Variants in ASTN1 observed in about 807,000 individuals in gnomAD.
ASTN1 encodes the protein astrotactin 1, also known as astrotactin-1.
A neutral mutation model predicts 140.7 loss-of-function variants in ASTN1; 41 were observed. The observed-to-expected ratio is 0.29, with a 90% CI of 0.23 to 0.38. The LOEUF is 0.38. Among genes scored for constraint, ASTN1 ranks in the 10% least tolerant of loss-of-function variants. The pLI, the probability that ASTN1 is intolerant of heterozygous loss-of-function variation, is 1.00. For synonymous variants in ASTN1, 640 were observed against 652.2 expected (o/e 0.98, Z 0.29); for missense variants, 1,479 against 1,678.8 (o/e 0.88, Z 2.08).
intron 1 of ASTN1, among the ~76,000 whole-genome samples, chr1:177,069,606 C>G (rs1281225401): frequency 6.6e-6 from 1 of 152,122 alleles, no homozygotes; most frequent in Non-Finnish European, 1.5e-5. Flanking sequence ...CTACTCTGTA[C>G]TGGCATGAAT....
intron 8 of ASTN1, among the ~76,000 whole-genome samples, chr1:176,986,915 G>A (rs1673934955): frequency 6.6e-6 from 1 of 152,142 alleles, no homozygotes; most frequent in Admixed American, 6.5e-5. Context: ...ATCACCTGTT[G>A]CAACTGTCCC....
rs114742229 is a variant in ASTN1, at chr1:177,018,937, C to G, written c.1439-4062G>C. ...TTAACCAGAGGCACACCTGGGGTTA[C>G]AAACCTGGGGACATATGGGAGAGAA... On this transcript the variant is annotated intron_variant, in intron 7 of 22. Transcript: ENST00000361833. 2.7e-3 allele frequency among the ~76,000 whole-genome samples: 417 copies of G among 152,316 alleles called. 3 individuals carry two copies. Among genetic ancestry groups the G allele is most frequent in the African/African-American group, 9.0e-3 (375 of 41,580 alleles).
At chr1:177,081,650 G>A (rs1434325279) in intron 1 of ASTN1, among the ~76,000 whole-genome samples, 1 of 152,148 alleles carries the variant, frequency 6.6e-6, no homozygotes, top group Non-Finnish European at 1.5e-5. Flanking sequence ...TGCAGTGATG[G>A]CAGGGTGCCT....
chr1:176,930,739 G>T (rs924219358), intron 16 of ASTN1, among the ~76,000 whole-genome samples: 1 of 152,138 alleles, frequency 6.6e-6, no homozygotes, highest in African/African-American at 2.4e-5. Context: ...TGTTTTTGTA[G>T]AGTAAAACAG....
intron 5 of ASTN1, among the ~76,000 whole-genome samples, chr1:177,027,156 G>C (rs770957759): frequency 9.9e-5 from 15 of 152,090 alleles, no homozygotes; most frequent in Non-Finnish European, 2.1e-4. Context: ...CACCTTGTCA[G>C]CCTGGTATAC....
Position 176,863,479 on chromosome 1 carries a change from T to A in ASTN1, c.*805A>T. The A allele has an allele frequency of 1.0e-6, 1 of 985,650 alleles. No individual in the cohort carries two copies. The highest frequency in any genetic ancestry group is 1.2e-6 in the Non-Finnish European group (1 of 829,906). The allele number at this position is 985,650 out of a possible 1,614,324, so 61.1% of individuals were successfully genotyped here. The stretch of plus-strand genomic sequence containing the variant: ...AAAAAACAATAAACTCCAAGTCTCC[T>A]CTTGAATGTGGACTGCTAACTAGTC... On this transcript the variant is annotated 3_prime_UTR_variant, in exon 23 of 23. Coordinates refer to ENST00000361833, the MANE Select transcript of ASTN1 (RefSeq NM_004319.3).
chr1:176,973,822 A>G (rs1373138267), intron 8 of ASTN1, among the ~76,000 whole-genome samples: 1 of 152,146 alleles, frequency 6.6e-6, no homozygotes, highest in East Asian at 1.9e-4. Flanking sequence ...ACTCCTGACT[A>G]GAGTGCTGCC....
At chr1:176,908,958 T>C (rs1457867166) in intron 16 of ASTN1, among the ~76,000 whole-genome samples, 1 of 152,230 alleles carries the variant, frequency 6.6e-6, no homozygotes, top group Non-Finnish European at 1.5e-5. Flanking sequence ...CAAGGCTCCA[T>C]TGGCCAGTGA....
chr1:177,027,259 C>G (rs1676164252), intron 5 of ASTN1, among the ~76,000 whole-genome samples: 1 of 152,124 alleles, frequency 6.6e-6, no homozygotes, highest in Non-Finnish European at 1.5e-5. Context: ...CCTTGGTGTT[C>G]TAGCCCTTGG....
intron 7 of ASTN1, among the ~76,000 whole-genome samples, chr1:177,015,712 A>C (rs1411812479): frequency 6.6e-6 from 1 of 152,132 alleles, no homozygotes; most frequent in Non-Finnish European, 1.5e-5. Flanking sequence ...TTTTTGAGGC[A>C]GGGTCCCATA....
intron 17 of ASTN1, among the ~76,000 whole-genome samples, chr1:176,889,657 C>T (rs1433512284): frequency 6.6e-6 from 1 of 152,098 alleles, no homozygotes; most frequent in Non-Finnish European, 1.5e-5. Flanking sequence ...TCGGAAGCCT[C>T]TAGGAAACAG....
At chr1:177,034,793 T>A (rs1329925626) in intron 2 of ASTN1, among the ~76,000 whole-genome samples, 1 of 152,232 alleles carries the variant, frequency 6.6e-6, no homozygotes, top group Non-Finnish European at 1.5e-5. Flanking sequence ...ACAGAAGGAA[T>A]AACTTCCCAA....
rs1294947176 is a variant in ASTN1 at position 177,061,213 on chromosome 1, C to T, written c.336G>A (p.Trp112Ter). ...GAAAAAGCAAAGTGCCATTCTCCAGCCACTGCTGCCTCCAGCGCACCAAAG... is the reference window on the plus strand; with the variant it reads ...GAAAAAGCAAAGTGCCATTCTCCAGTCACTGCTGCCTCCAGCGCACCAAAG... ...DIPLVRWRQQ[W>*]LENGTLLFHI... is the part of the protein sequence containing the mutation. Residue 112 changes from tryptophan to a stop codon, truncating the protein, a stop_gained, in exon 2 of 23, where the codon TGG becomes TGA. Transcript: ENST00000361833. LOFTEE classifies it high-confidence loss of function. The T allele has an allele frequency of 6.2e-7, 1 of 1,605,244 alleles. No individual in the cohort carries two copies. Among genetic ancestry groups the T allele is most frequent in the Non-Finnish European group, 8.5e-7 (1 of 1,176,002 alleles).
chr1:177,155,712 G>A lies in ASTN1; in HGVS notation c.283+8682C>T, dbSNP rs541024406. On this transcript the variant is annotated intron_variant, in intron 1 of 22. Transcript: ENST00000361833. Reference sequence around the variant, plus strand: ...AAGGGGAGGAAGCAAGATGATTCACGAATTAGATGAGAGCTAATGTTAATT... The same window carrying A: ...AAGGGGAGGAAGCAAGATGATTCACAAATTAGATGAGAGCTAATGTTAATT... Among the ~76,000 whole-genome samples the A allele has an allele frequency of 2.6e-5, 4 of 152,230 alleles. No individual in the cohort carries two copies. In the South Asian group the frequency reaches 6.2e-4, roughly 24 times the overall value.
At position 177,164,380 on chromosome 1, in the gene ASTN1, C is replaced by T. The variant is rs1392520549; in HGVS notation, c.283+14G>A. ...CCAGCGCCTCCGGCCGCCTCGACCTCCCCCGGGACTCACCCAGCACGAAGT... is the reference window on the plus strand; with the variant it reads ...CCAGCGCCTCCGGCCGCCTCGACCTTCCCCGGGACTCACCCAGCACGAAGT... On this transcript the variant is annotated intron_variant, in intron 1 of 22. Coordinates refer to ENST00000361833, the MANE Select transcript of ASTN1 (RefSeq NM_004319.3). 2.5e-6 allele frequency: 4 copies of T among 1,569,638 alleles called. No individual in the cohort carries two copies. Among genetic ancestry groups the T allele is most frequent in the South Asian group, 2.4e-5 (2 of 84,890 alleles).
At chr1:177,102,604 TA>T (rs1204601666) in intron 1 of ASTN1, among the ~76,000 whole-genome samples, 1 of 151,994 alleles carries the variant, frequency 6.6e-6, no homozygotes, top group Admixed American at 6.5e-5. Context: ...AAAGTAAAAT[TA>T]AAAAGGCTTA....
At chr1:177,029,219 A>C (rs1370777650) in intron 5 of ASTN1, 7 of 432,744 alleles carry the variant, frequency 1.6e-5, no homozygotes, top group East Asian at 7.1e-5. Context: ...ACTGCCCCCA[A>C]TCCTTGCCTA....
At chr1:176,953,000 A>G (rs1672255133) in intron 11 of ASTN1, among the ~76,000 whole-genome samples, 1 of 152,240 alleles carries the variant, frequency 6.6e-6, no homozygotes, top group Non-Finnish European at 1.5e-5. Flanking sequence ...AAATGAGCTC[A>G]TATTTCAGTG....
intron 8 of ASTN1, among the ~76,000 whole-genome samples, chr1:176,973,432 C>A (rs1258380048): frequency 6.6e-6 from 1 of 152,208 alleles, no homozygotes. Context: ...AACACTCCAA[C>A]ACTGGTTAAA....
Sources: allele counts gnomAD v4.1 joint callset (sites outside exome capture counted in the v4.1 genomes callset), GRCh38; gene constraint gnomAD v4.1.1; transcripts MANE v1.5; gene names NCBI Gene and HGNC (gene_info 2026-07-23, HGNC 2026-07-21).